The following TBC1D1 variants were observed in gnomAD, a reference collection of about 807,000 sequenced individuals.
TBC1D1 encodes TBC1 (tre-2/USP6, BUB2, cdc16) domain family, member 1.
In TBC1D1, 89 loss-of-function variants were observed where a neutral mutation model predicts 125.6. The ratio of observed to expected loss-of-function variants is 0.71; its 90% CI spans 0.60 to 0.85. TBC1D1 has a LOEUF of 0.85. Among genes scored for constraint, TBC1D1 ranks in the 40% least tolerant of loss-of-function variants. TBC1D1 has a pLI of 0.00. For synonymous variants in TBC1D1, 565 were observed against 564.1 expected (o/e 1.00, Z -0.02); for missense variants, 1,377 against 1,469.2 (o/e 0.94, Z 1.03).
chr4:38,094,777 G>A (rs182989904), intron 13 of TBC1D1, among the ~76,000 whole-genome samples: 1 of 151,676 alleles, frequency 6.6e-6, no homozygotes, highest in East Asian at 1.9e-4. Flanking sequence ...GTCCAGTGCT[G>A]CCGCCAGTTG....
chr4:38,006,714 T>C (rs111565633), intron 2 of TBC1D1: 8,449 of 352,294 alleles, frequency 0.024, 159 homozygotes, highest in Middle Eastern at 0.064. Flanking sequence ...CTCCTGACCT[T>C]GTGATCCGCC....
At chr4:38,040,726 G>A (rs67733859) in intron 8 of TBC1D1, among the ~76,000 whole-genome samples, 19,822 of 152,202 alleles carry the variant, frequency 0.13, 1,711 homozygotes, top group East Asian at 0.35. Flanking sequence ...AGCCCTTTGT[G>A]GGCAATTCCC....
chr4:38,065,417 C>T (rs1578513743), intron 12 of TBC1D1, among the ~76,000 whole-genome samples: 1 of 152,108 alleles, frequency 6.6e-6, no homozygotes, highest in East Asian at 1.9e-4. Flanking sequence ...TGGGGACCTC[C>T]TATTCTGATA....
rs779593048 is a variant in TBC1D1, at chr4:38,137,264, C to G, written c.3436C>G (p.Leu1146Val). ...GGCCCTGCTGCAGACGGTGGAGGAG[C>G]TGCGGCGGCGGAGCGCAGAGCCCAG... Residue 1146 changes from leucine to valine, a missense_variant, in exon 20 of 20, where the codon CTG becomes GTG. Physicochemically the swap from Leu to Val is conservative, Grantham distance 32. Coordinates refer to ENST00000261439, the MANE Select transcript of TBC1D1 (RefSeq NM_015173.4). The G allele has an allele frequency of 2.5e-6, 4 of 1,611,912 alleles. No individual in the cohort carries two copies. In the East Asian group the frequency reaches 6.7e-5, roughly 27 times the overall value.
At chr4:38,104,816 T>C (rs1761001438) in intron 15 of TBC1D1, among the ~76,000 whole-genome samples, 1 of 151,746 alleles carries the variant, frequency 6.6e-6, no homozygotes, top group Non-Finnish European at 1.5e-5. Flanking sequence ...AGTGCAGTGG[T>C]GTGATCTCAG....
At chr4:37,996,348 A>G (rs1737794245) in intron 2 of TBC1D1, 1 of 183,230 alleles carries the variant, frequency 5.5e-6, no homozygotes, top group Non-Finnish European at 1.2e-5. Flanking sequence ...TAGTATTGTT[A>G]TTGTTACCCT....
Position 38,044,431 on chromosome 4 carries a change from A to G in TBC1D1, c.1483A>G (p.Met495Val). The change falls in exon 9 of 20, where the codon ATG becomes GTG. Residue 495 changes from methionine to valine, a missense_variant. Physicochemically the swap from Met to Val is conservative, Grantham distance 21 (BLOSUM62 1). Around this residue, in one of 3 missense-constraint regions of TBC1D1, gnomAD observed 822 missense variants for 824.6 expected, o/e 1.00. Transcript: ENST00000261439. The stretch of plus-strand genomic sequence containing the variant: ...CAGTGCCACTCGATTTAGGCTAGAT[A>G]TGCTGAAAAACAAAGCAAAGAGATC... The G allele has an allele frequency of 6.2e-7, 1 of 1,613,880 alleles. No individual in the cohort carries two copies. The highest frequency in any genetic ancestry group is 8.5e-7 in the Non-Finnish European group (1 of 1,179,988).
Position 38,013,630 on chromosome 4 carries a change from A to G in TBC1D1, c.418-879A>G, listed in dbSNP as rs1304837477. ...ATCTGAGCAATTGCACAGCTGTTTC[A>G]TTCACTGCCGTGCGGATTCATCTTT... On this transcript the variant is annotated intron_variant, in intron 2 of 19. Transcript: ENST00000261439. Among the ~76,000 whole-genome samples, 6 of 152,360 alleles carry G rather than the reference A, an allele frequency of 3.9e-5. No homozygotes were observed. The East Asian group carries it at 1.2e-3, about 29-fold the overall frequency.
chr4:37,921,081 G>T (rs1378449152), intron 2 of TBC1D1, among the ~76,000 whole-genome samples: 14 of 130,374 alleles, frequency 1.1e-4, no homozygotes, highest in Non-Finnish European at 1.5e-5. Context: ...CTGCACTCCA[G>T]CCAGGGCGAC....
Position 37,966,945 on chromosome 4 carries a change from G to GT in TBC1D1, c.418-47562dup, listed in dbSNP as rs574062266. 1.3e-4 allele frequency among the ~76,000 whole-genome samples: 20 copies of GT among 152,294 alleles called. No homozygotes were observed. In the South Asian group the frequency reaches 3.5e-3, roughly 27 times the overall value. ...GAGTTTTACCAGGCACATTCTTCTT[G>GT]TTGACATGCAAGTACCTGTGGCTTG... On this transcript the variant is annotated intron_variant, in intron 2 of 19. Transcript: ENST00000261439.
intron 1 of TBC1D1, among the ~76,000 whole-genome samples, chr4:37,891,952 C>T (rs1253773172): frequency 6.6e-6 from 1 of 151,844 alleles, no homozygotes; most frequent in Non-Finnish European, 1.5e-5. Context: ...GGTATCATTT[C>T]GTTTGAAATC....
chr4:38,000,821 C>T (rs1401382494), intron 2 of TBC1D1, among the ~76,000 whole-genome samples: 2 of 152,196 alleles, frequency 1.3e-5, no homozygotes, highest in Admixed American at 1.3e-4. Context: ...CACTGACCTG[C>T]TATAAATCAA....
intron 1 of TBC1D1, among the ~76,000 whole-genome samples, chr4:37,892,963 G>C (rs1056850861): frequency 6.6e-6 from 1 of 152,212 alleles, no homozygotes; most frequent in African/African-American, 2.4e-5. Context: ...CCCCTATGCA[G>C]AGCCAGATGT....
intron 10 of TBC1D1, among the ~76,000 whole-genome samples, chr4:38,047,262 T>G (rs1560685891): frequency 1.3e-5 from 2 of 152,204 alleles, no homozygotes; most frequent in Non-Finnish European, 2.9e-5. Flanking sequence ...CCTCCCGGGT[T>G]CAGGCCATTC....
intron 19 of TBC1D1, among the ~76,000 whole-genome samples, chr4:38,135,314 G>C (rs1434574580): frequency 2.0e-5 from 3 of 152,148 alleles, no homozygotes; most frequent in Non-Finnish European, 4.4e-5. Context: ...CACCTCTTTT[G>C]TTCAGCAGTA....
intron 2 of TBC1D1, among the ~76,000 whole-genome samples, chr4:37,979,774 G>A (rs1733974819): frequency 6.6e-6 from 1 of 152,190 alleles, no homozygotes; most frequent in South Asian, 2.1e-4. Flanking sequence ...GAGCACGAAT[G>A]TGTTTTTCTT....
intron 11 of TBC1D1, among the ~76,000 whole-genome samples, chr4:38,052,445 C>A (rs1175938390): frequency 6.6e-6 from 1 of 151,410 alleles, no homozygotes; most frequent in Non-Finnish European, 1.5e-5. Context: ...AGTTCTCCTG[C>A]CTCAGCCTCC....
At chr4:37,946,751 G>A (rs1019308318) in intron 2 of TBC1D1, among the ~76,000 whole-genome samples, 7 of 152,174 alleles carry the variant, frequency 4.6e-5, no homozygotes, top group African/African-American at 1.7e-4. Flanking sequence ...AGTGGGAGTT[G>A]CGGCAGTGTC....
intron 2 of TBC1D1, among the ~76,000 whole-genome samples, chr4:37,932,478 C>T (rs1723462321): frequency 6.6e-6 from 1 of 152,134 alleles, no homozygotes; most frequent in Non-Finnish European, 1.5e-5. Flanking sequence ...TTAAAGTGCA[C>T]ATTCTAATAC....
Sources: allele counts gnomAD v4.1 joint callset (sites outside exome capture counted in the v4.1 genomes callset), GRCh38; gene constraint gnomAD v4.1.1; regional missense constraint gnomAD v4.1.1; transcripts MANE v1.5; gene names NCBI Gene and HGNC (gene_info 2026-07-23, HGNC 2026-07-21).